TLK1: variants seen among roughly 807,000 people sequenced by gnomAD.
TLK1 encodes serine/threonine-protein kinase tousled-like 1.
In TLK1, 24 loss-of-function variants were observed where a neutral mutation model predicts 105.3. The observed-to-expected ratio is 0.23, with a 90% CI of 0.17 to 0.32. The LOEUF is 0.32. Among genes scored for constraint, TLK1 ranks in the 10% least tolerant of loss-of-function variants. TLK1 has a pLI of 1.00. For missense variants in TLK1, 558 were observed against 910.5 expected, an observed-to-expected ratio of 0.61 and a Z score of 4.98; for synonymous variants, 321 against 310.4, an observed-to-expected ratio of 1.03 and a Z score of -0.36.
rs145437808 is a variant in TLK1 at position 171,195,532 on chromosome 2, C to G, written c.-6+35613G>C. ...AAAAAAAAAAAAAAAACATAATCCACCATGGATAAGCTCTATATTTGAATA... is the reference window on the plus strand; with the variant it reads ...AAAAAAAAAAAAAAAACATAATCCAGCATGGATAAGCTCTATATTTGAATA... On this transcript the variant is annotated intron_variant, in intron 1 of 20. Coordinates refer to the TLK1 transcript ENST00000521943. Among the ~76,000 whole-genome samples the G allele has an allele frequency of 2.4e-3, 368 of 150,536 alleles. 1 individual carries two copies. Among genetic ancestry groups the G allele is most frequent in the African/African-American group, 8.7e-3 (355 of 40,972 alleles).
chr2:171,043,225 A>T (rs1686776358), intron 11 of TLK1, among the ~76,000 whole-genome samples: 1 of 152,232 alleles, frequency 6.6e-6, no homozygotes, highest in South Asian at 2.1e-4. Context: ...GTGATACCTC[A>T]AAGTAATAAA....
chr2:170,998,879 G>C (rs527519103), intron 18 of TLK1, among the ~76,000 whole-genome samples: 101 of 152,132 alleles, frequency 6.6e-4, no homozygotes, highest in African/African-American at 2.3e-3. Context: ...TGTGACCCTC[G>C]CACCTTAGCC....
chr2:171,189,279 G>A (rs1440830880), intron 1 of TLK1, among the ~76,000 whole-genome samples: 1 of 150,264 alleles, frequency 6.7e-6, no homozygotes, highest in Non-Finnish European at 1.5e-5. Flanking sequence ...CGATTCTCCT[G>A]CCTCAGCCTC....
chr2:171,008,028 A>G (rs1162905046), intron 14 of TLK1, among the ~76,000 whole-genome samples: 1 of 152,176 alleles, frequency 6.6e-6, no homozygotes, highest in Non-Finnish European at 1.5e-5. Flanking sequence ...TGCCCCTTTC[A>G]CTTAAAAGCT....
intron 12 of TLK1, among the ~76,000 whole-genome samples, chr2:171,015,946 C>T (rs1304156399): frequency 4.7e-5 from 7 of 148,854 alleles, no homozygotes; most frequent in Non-Finnish European, 5.9e-5. Flanking sequence ...GGCGTGGTGG[C>T]GCATGCCTGT....
intron 1 of TLK1, among the ~76,000 whole-genome samples, chr2:171,188,823 C>T (rs996196759): frequency 6.0e-5 from 9 of 150,672 alleles, no homozygotes; most frequent in East Asian, 5.9e-4. Flanking sequence ...TGCAGTGAGC[C>T]GAGATCAGGC....
intron 1 of TLK1, among the ~76,000 whole-genome samples, chr2:171,206,652 A>C (rs1444272176): frequency 6.6e-6 from 1 of 152,220 alleles, no homozygotes; most frequent in Non-Finnish European, 1.5e-5. Flanking sequence ...TATTTTAGGA[A>C]AAGAGACCAG....
intron 18 of TLK1, among the ~76,000 whole-genome samples, chr2:171,001,344 T>C (rs1438019561): frequency 6.6e-6 from 1 of 152,184 alleles, no homozygotes; most frequent in Non-Finnish European, 1.5e-5. Context: ...TGGGGACTCA[T>C]GGGCTCCTAG....
At chr2:171,034,037 T>C (rs917713678) in intron 11 of TLK1, among the ~76,000 whole-genome samples, 7 of 152,034 alleles carry the variant, frequency 4.6e-5, no homozygotes, top group Admixed American at 4.6e-4. Context: ...CATTAAGTCA[T>C]TAGGGAAATG....
chr2:171,079,787 A>G (rs16859142), intron 3 of TLK1, among the ~76,000 whole-genome samples: 49,890 of 151,972 alleles, frequency 0.33, 8,568 homozygotes, highest in African/African-American at 0.37. Flanking sequence ...CAGTTTTAAT[A>G]GTAAGGGTAG....
chr2:171,218,175 A>C (rs1395835252), intron 1 of TLK1, among the ~76,000 whole-genome samples: 1 of 152,138 alleles, frequency 6.6e-6, no homozygotes, highest in East Asian at 1.9e-4. Context: ...AATTGCTTAA[A>C]CCCAGAGGCA....
At chr2:171,157,361 G>C (rs1320580943) in intron 1 of TLK1, among the ~76,000 whole-genome samples, 1 of 151,958 alleles carries the variant, frequency 6.6e-6, no homozygotes. Flanking sequence ...TTTTTAACTC[G>C]TCACTCCCTT....
At chr2:171,135,315 G>GTATATA (rs1355225799) in intron 1 of TLK1, among the ~76,000 whole-genome samples, 1 of 54,490 alleles carries the variant, frequency 1.8e-5, no homozygotes, top group African/African-American at 1.6e-4. Flanking sequence ...GTGTGTGTGT[G>GTATATA]TGTGTATATA....
Position 171,073,878 on chromosome 2 carries a change from C to CG in TLK1, c.330+8902_330+8903insC, listed in dbSNP as rs1553473012. ...AAGAGAATAAACTTAACATTCCCCC[C>CG]CCCCCTCCTTTTTTTTTCTTTCTTT... On this transcript the variant is annotated intron_variant, in intron 3 of 20. Coordinates refer to ENST00000431350, the MANE Select transcript of TLK1 (RefSeq NM_012290.5). Among the ~76,000 whole-genome samples the CG allele has an allele frequency of 1.4e-4, 13 of 94,598 alleles. No individual in the cohort carries two copies. In the South Asian group the frequency reaches 7.1e-3, roughly 52 times the overall value. 62.1% of individuals were successfully genotyped at this position (94,598 alleles called of 152,430 possible). A position where few individuals can be genotyped will look rare whatever the true frequency, so the allele number is the denominator to read the frequency against.
intron 5 of TLK1, among the ~76,000 whole-genome samples, 192 bp downstream of exon 5, chr2:171,057,959 T>C (rs1215924825): frequency 2.6e-5 from 4 of 152,024 alleles, no homozygotes; most frequent in Non-Finnish European, 4.4e-5. Context: ...AGAAAGTATT[T>C]AGAAAAAAAT....
intron 6 of TLK1, among the ~76,000 whole-genome samples, chr2:171,055,965 CA>C (rs1687482696): frequency 6.6e-6 from 1 of 151,842 alleles, no homozygotes; most frequent in Admixed American, 6.6e-5. Context: ...CAAAACAATG[CA>C]TATAAAAGAA....
At chr2:171,151,738 G>C (rs1692047608) in intron 1 of TLK1, among the ~76,000 whole-genome samples, 2 of 152,098 alleles carry the variant, frequency 1.3e-5, no homozygotes, top group South Asian at 4.2e-4. Context: ...GCCTCCCAAA[G>C]TGCTGGGATT....
chr2:171,107,794 C>A (rs979287976), intron 2 of TLK1, among the ~76,000 whole-genome samples: 16 of 152,150 alleles, frequency 1.1e-4, no homozygotes, highest in African/African-American at 3.9e-4. Flanking sequence ...CGCAGTGGCT[C>A]AGGCCTGTAA....
rs1490631722 is a variant in TLK1, at chr2:170,991,525, T to A, written c.*2255A>T. The A allele has an allele frequency of 5.3e-5, 8 of 152,212 alleles. No individual in the cohort carries two copies. The highest frequency in any genetic ancestry group is 5.2e-4 in the Admixed American group (8 of 15,292). The allele number at this position is 152,212 out of a possible 1,614,324, so 9.4% of individuals were successfully genotyped here. A position where few individuals can be genotyped will look rare whatever the true frequency, so the allele number is the denominator to read the frequency against. On this transcript the variant is annotated 3_prime_UTR_variant, in exon 21 of 21. Transcript: ENST00000431350. ...TATAAGTTGATTCATCTCCTACACA[T>A]CTTTGATTTTAAAATGATGACCTAA...
Sources: gnomAD v4.1 joint callset for allele counts (sites outside exome capture counted in the v4.1 genomes callset) on GRCh38, gnomAD v4.1.1 for gene constraint, MANE v1.5 for transcripts, NCBI Gene and HGNC (gene_info 2026-07-23, HGNC 2026-07-21) for gene names.